The following HK1 variants were observed in gnomAD, a reference collection of about 807,000 sequenced individuals.
The protein encoded by HK1 is hexokinase-1.
A neutral mutation model predicts 91.6 loss-of-function variants in HK1; 28 were observed. That is an observed-to-expected ratio of 0.31 (90% CI 0.23 to 0.42). The LOEUF is 0.42. Among genes scored for constraint, HK1 ranks in the 10% least tolerant of loss-of-function variants. The probability of loss-of-function intolerance (pLI) is 1.00; values close to 1 mark genes in which losing one functional copy is unlikely to be tolerated. For missense variants in HK1, 770 were observed against 1,219.8 expected (o/e 0.63, Z 5.49); for synonymous variants, 430 against 468.1 (o/e 0.92, Z 1.05).
intron 2 of HK1, among the ~76,000 whole-genome samples, chr10:69,287,125 C>T (rs554213395): frequency 3.3e-5 from 5 of 152,124 alleles, no homozygotes; most frequent in Admixed American, 1.3e-4. Flanking sequence ...AAGAAATGCC[C>T]GAGACTGGGT....
intron 1 of HK1, among the ~76,000 whole-genome samples, chr10:69,327,979 C>T (rs1399133809): frequency 6.6e-6 from 1 of 152,154 alleles, no homozygotes; most frequent in East Asian, 1.9e-4. Flanking sequence ...CTCCATGGCC[C>T]CTGGTGCTGT....
chr10:69,333,324 G>A (rs978546212), intron 1 of HK1, among the ~76,000 whole-genome samples: 5 of 152,170 alleles, frequency 3.3e-5, no homozygotes, highest in African/African-American at 9.7e-5. Context: ...CCCTGTTGTC[G>A]GGAGGTGCTG....
chr10:69,362,955 C>T (rs1027367143), intron 3 of HK1, among the ~76,000 whole-genome samples: 9 of 152,172 alleles, frequency 5.9e-5, no homozygotes, highest in Admixed American at 2.0e-4. Flanking sequence ...ACCAGGCGTT[C>T]TATTACTCTG....
intron 2 of HK1, 105 bp from the exon 3 acceptor site, chr10:69,359,792 C>A: frequency 9.6e-7 from 1 of 1,045,182 alleles, no homozygotes; most frequent in Non-Finnish European, 1.5e-6. Context: ...CAGCATGTGG[C>A]AGGGGGAGGC....
upstream of HK1, among the ~76,000 whole-genome samples, chr10:69,313,073 G>A (rs1226081786): frequency 6.6e-6 from 1 of 152,198 alleles, no homozygotes; most frequent in Non-Finnish European, 1.5e-5. Context: ...GGGCTTGGAT[G>A]GAGCAAGAGA....
chr10:69,344,518 A>C (rs1848449915), intron 2 of HK1, among the ~76,000 whole-genome samples: 1 of 152,262 alleles, frequency 6.6e-6, no homozygotes, highest in Non-Finnish European at 1.5e-5. Context: ...CAGATTTCAC[A>C]GATGCAGAAT....
At chr10:69,372,672 A>G (rs1850073758) in intron 7 of HK1, among the ~76,000 whole-genome samples, 1 of 152,180 alleles carries the variant, frequency 6.6e-6, no homozygotes, top group Non-Finnish European at 1.5e-5. Flanking sequence ...ATCTTTTCTC[A>G]TTGGTAATCA....
At chr10:69,390,907 C>G (rs1241468642) in intron 14 of HK1, among the ~76,000 whole-genome samples, 2 of 152,204 alleles carry the variant, frequency 1.3e-5, no homozygotes, top group African/African-American at 4.8e-5. Flanking sequence ...AATGTCCAGT[C>G]TATTCAGTGA....
upstream of HK1, chr10:69,315,652 G>A: frequency 2.1e-6 from 1 of 465,822 alleles, no homozygotes. Context: ...GAACAACAGA[G>A]AGGGGACACA....
intron 8 of HK1, among the ~76,000 whole-genome samples, chr10:69,377,791 T>G (rs1408612573): frequency 6.6e-6 from 1 of 152,164 alleles, no homozygotes; most frequent in Non-Finnish European, 1.5e-5. Context: ...ACCCCTTCCC[T>G]GCCACACACA....
intron 15 of HK1, among the ~76,000 whole-genome samples, chr10:69,393,992 G>C (rs563719743): frequency 5.9e-5 from 9 of 152,368 alleles, no homozygotes; most frequent in African/African-American, 2.2e-4. Context: ...CACCAAACTG[G>C]GGTGGTCTTT....
chr10:69,341,838 G>A (rs1848305826), intron 1 of HK1, among the ~76,000 whole-genome samples: 2 of 152,034 alleles, frequency 1.3e-5, no homozygotes, highest in African/African-American at 4.8e-5. Flanking sequence ...GAAAAAGGTG[G>A]TAGGGCTAGT....
chr10:69,353,503 G>A (rs1848985070), intron 2 of HK1, among the ~76,000 whole-genome samples: 1 of 152,020 alleles, frequency 6.6e-6, no homozygotes, highest in Non-Finnish European at 1.5e-5. Flanking sequence ...TGAGGTGGGA[G>A]GATCGCTTGG....
At chr10:69,305,267 T>C (rs4364944) in intron 5 of HK1, among the ~76,000 whole-genome samples, 15,388 of 152,150 alleles carry the variant, frequency 0.1, 1,053 homozygotes, top group Admixed American at 0.19. Flanking sequence ...CTCACTTTCA[T>C]CTCTGGCCAG....
At chr10:69,315,744 A>G, upstream of HK1, 1 of 624,316 alleles carries the variant, frequency 1.6e-6, no homozygotes, top group South Asian at 1.7e-5. Context: ...AGTCACCCAT[A>G]TCAGTTAGGC....
At chr10:69,384,279 T>C in intron 10 of HK1, 54 bp from the exon 11 acceptor site, 1 of 1,610,750 alleles carries the variant, frequency 6.2e-7, no homozygotes, top group African/African-American at 1.3e-5. Context: ...GGTTACTGGC[T>C]GCCAAGAGGC....
intron 1 of HK1, among the ~76,000 whole-genome samples, chr10:69,328,838 C>CT (rs1047377926): frequency 2.0e-4 from 31 of 151,634 alleles, no homozygotes; most frequent in South Asian, 4.2e-4. Flanking sequence ...CACTATCTAC[C>CT]TTTTTTTTTC....
intron 1 of HK1, 86 bp downstream of exon 1, chr10:69,319,096 C>T (rs1200149800): frequency 3.4e-6 from 5 of 1,470,170 alleles, no homozygotes; most frequent in African/African-American, 1.4e-5. Flanking sequence ...CTCCATCCTC[C>T]GGCGCCCGGC....
intron 1 of HK1, among the ~76,000 whole-genome samples, chr10:69,324,228 A>C (rs1847199178): frequency 6.6e-6 from 1 of 152,218 alleles, no homozygotes; most frequent in Admixed American, 6.5e-5. Context: ...TATTATGTGC[A>C]GAGGACTGTG....
Sources: allele counts gnomAD v4.1 joint callset (sites outside exome capture counted in the v4.1 genomes callset), GRCh38; gene constraint gnomAD v4.1.1; transcripts MANE v1.5; gene names NCBI Gene and HGNC (gene_info 2026-07-23, HGNC 2026-07-21).